The following STARD13 variants were observed in gnomAD, a reference collection of about 807,000 sequenced individuals.
The protein encoded by STARD13 is StAR related lipid transfer domain containing 13.
STARD13 carries 62 observed loss-of-function variants against 106.4 expected under a neutral mutation model. The ratio of observed to expected loss-of-function variants is 0.58; its 90% CI spans 0.48 to 0.72. STARD13 has a LOEUF of 0.72. STARD13 is among the 30% of genes least tolerant of loss of function. The pLI, the probability that STARD13 is intolerant of heterozygous loss-of-function variation, is 0.00. For missense variants in STARD13, 1,387 were observed against 1,424.0 expected, an observed-to-expected ratio of 0.97 and a Z score of 0.42; for synonymous variants, 565 against 553.0, an observed-to-expected ratio of 1.02 and a Z score of -0.31.
rs747269885 is a variant in STARD13, at chr13:33,103,409, G to C, written c.*2184C>G. 3 of 152,474 alleles carry C rather than the reference G, an allele frequency of 2.0e-5. No homozygotes were observed. Among genetic ancestry groups the C allele is most frequent in the Non-Finnish European group, 4.4e-5 (3 of 68,010 alleles). The allele number at this position is 152,474 out of a possible 1,614,324, so 9.4% of individuals were successfully genotyped here. On this transcript the variant is annotated 3_prime_UTR_variant, in exon 14 of 14. Coordinates refer to ENST00000336934, the MANE Select transcript of STARD13 (RefSeq NM_178006.4). The stretch of plus-strand genomic sequence containing the variant: ...AAGATGCACTGTGTTGTTATGCAGC[G>C]GTGATATGATTACTATGTGCACAAA...
At chr13:33,649,986 CT>C in the STARD13 span, among the ~76,000 whole-genome samples, 1 of 151,786 alleles carries the variant, frequency 6.6e-6, no homozygotes, top group Non-Finnish European at 1.5e-5. Flanking sequence ...TTCATATTCC[CT>C]TTTTTCCTGG....
the STARD13 span, among the ~76,000 whole-genome samples, chr13:33,541,794 TTTAAAA>T: frequency 3.9e-5 from 6 of 152,250 alleles, no homozygotes; most frequent in Admixed American, 3.9e-4. Flanking sequence ...TTGGAATTAG[TTTAAAA>T]TTAAACGGAG....
At chr13:33,491,718 T>A in the STARD13 span, among the ~76,000 whole-genome samples, 3 of 152,222 alleles carry the variant, frequency 2.0e-5, no homozygotes, top group Non-Finnish European at 2.9e-5. Context: ...CAGCCTAATC[T>A]GTTTCTCCAT....
At chr13:33,360,688 T>C in the STARD13 span, among the ~76,000 whole-genome samples, 2 of 137,244 alleles carry the variant, frequency 1.5e-5, no homozygotes, top group Admixed American at 7.1e-5. Context: ...GGAATCCTTC[T>C]GTGTAGACAG....
chr13:33,121,176 T>C (rs978907935), intron 7 of STARD13, among the ~76,000 whole-genome samples: 1 of 152,206 alleles, frequency 6.6e-6, no homozygotes, highest in Non-Finnish European at 1.5e-5. Flanking sequence ...TTCTAAGGCA[T>C]AGAGAGATCC....
At position 33,157,463 on chromosome 13, in the gene STARD13, T is replaced by A. The variant is rs1882119697; in HGVS notation, c.323+7874A>T. ...TGGGTGAATCACTTGAGGTCACGAG[T>A]TTGAAACCAGCCTGGCCAACATGGA... is the stretch of plus-strand genomic sequence containing the variant. On this transcript the variant is annotated intron_variant, in intron 3 of 13. Transcript: ENST00000336934. Among the ~76,000 whole-genome samples, 3 of 151,978 alleles carry A rather than the reference T, an allele frequency of 2.0e-5. No homozygotes were observed. The South Asian group carries it at 6.2e-4, about 32-fold the overall frequency.
At chr13:33,263,516 G>A (rs997399859) in intron 1 of STARD13, among the ~76,000 whole-genome samples, 1 of 152,186 alleles carries the variant, frequency 6.6e-6, no homozygotes, top group East Asian at 1.9e-4. Context: ...TAGAGATTCT[G>A]GATTTTGTTT....
the STARD13 span, among the ~76,000 whole-genome samples, chr13:33,467,818 C>A: frequency 1.3e-5 from 2 of 152,126 alleles, no homozygotes; most frequent in Non-Finnish European, 2.9e-5. Flanking sequence ...TATGTCTCAT[C>A]CCCAGGTTTG....
intron 1 of STARD13, among the ~76,000 whole-genome samples, chr13:33,298,121 G>GTTTT (rs71071090): frequency 9.6e-5 from 5 of 51,944 alleles, no homozygotes; most frequent in Non-Finnish European, 1.4e-4. Flanking sequence ...CCCATCTACA[G>GTTTT]TTTTTTTTTT....
chr13:33,163,611 T>TATATATATATAAAACATATATATATAAC lies in STARD13; in HGVS notation c.323+1725_323+1726insGTTATATATATATGTTTTATATATATAT, dbSNP rs1555239825. Among the ~76,000 whole-genome samples the TATATATATATAAAACATATATATATAAC allele has an allele frequency of 4.5e-3, 379 of 84,932 alleles. 4 individuals are homozygous for TATATATATATAAAACATATATATATAAC. The highest frequency in any genetic ancestry group is 0.011 in the South Asian group (22 of 1,914). 55.7% of individuals were successfully genotyped at this position (84,932 alleles called of 152,430 possible). ...TCTCAAAAAAAAAAAAAAAAATATATATATATATATATAAAACATATATAT... is the reference window on the plus strand; with the variant it reads ...TCTCAAAAAAAAAAAAAAAAATATATATATATATATAAAACATATATATATAACATATATATATATAAAACATATATAT... On this transcript the variant is annotated intron_variant, in intron 3 of 13. Transcript: ENST00000336934.
At chr13:33,162,272 C>A (rs1236521548) in intron 3 of STARD13, among the ~76,000 whole-genome samples, 1 of 152,214 alleles carries the variant, frequency 6.6e-6, no homozygotes, top group African/African-American at 2.4e-5. Flanking sequence ...CAGATAAGGA[C>A]CCTGGGCCTG....
chr13:33,557,469 A>T, the STARD13 span, among the ~76,000 whole-genome samples: 3 of 152,270 alleles, frequency 2.0e-5, no homozygotes, highest in East Asian at 5.8e-4. Flanking sequence ...AAATGATCTT[A>T]TTCAGGGAAA....
chr13:33,596,847 T>C, the STARD13 span, among the ~76,000 whole-genome samples: 4 of 152,346 alleles, frequency 2.6e-5, no homozygotes, highest in African/African-American at 9.6e-5. Context: ...TCCAACCATG[T>C]TCCTGCAATG....
At chr13:33,386,054 C>T in the STARD13 span, among the ~76,000 whole-genome samples, 1 of 152,106 alleles carries the variant, frequency 6.6e-6, no homozygotes, top group Non-Finnish European at 1.5e-5. Context: ...CTGAATTCAA[C>T]TGCATGCAAA....
chr13:33,153,538 G>A (rs1226501227), intron 3 of STARD13, among the ~76,000 whole-genome samples: 4 of 152,256 alleles, frequency 2.6e-5, no homozygotes, highest in African/African-American at 7.2e-5. Flanking sequence ...GGAGGTGCCC[G>A]GGCCCAGACC....
At chr13:33,380,827 AG>A in the STARD13 span, among the ~76,000 whole-genome samples, 2 of 152,018 alleles carry the variant, frequency 1.3e-5, no homozygotes, top group African/African-American at 2.4e-5. Context: ...CAGGTGGGGA[AG>A]GGGGGTGTGT....
intron 1 of STARD13, among the ~76,000 whole-genome samples, chr13:33,234,967 T>G (rs1889113651): frequency 6.6e-6 from 1 of 152,214 alleles, no homozygotes; most frequent in Non-Finnish European, 1.5e-5. Flanking sequence ...GTTCAATATT[T>G]TAAGGATCTT....
intron 12 of STARD13, among the ~76,000 whole-genome samples, chr13:33,109,034 T>C (rs1410462414): frequency 6.6e-6 from 1 of 152,232 alleles, no homozygotes; most frequent in Non-Finnish European, 1.5e-5. Context: ...AAGTAACCTT[T>C]AGTTTGCCAT....
intron 10 of STARD13, among the ~76,000 whole-genome samples, 153 bp from the exon 11 acceptor site, chr13:33,111,060 C>T (rs184735379): frequency 1.3e-5 from 2 of 152,204 alleles, no homozygotes; most frequent in East Asian, 3.8e-4. Flanking sequence ...TTGCCAAGGC[C>T]GGGAGGGGCC....
Sources: allele counts gnomAD v4.1 joint callset (sites outside exome capture counted in the v4.1 genomes callset), GRCh38; gene constraint gnomAD v4.1.1; transcripts MANE v1.5; gene names NCBI Gene and HGNC (gene_info 2026-07-23, HGNC 2026-07-21).